Variants in DPF3 observed in about 807,000 individuals in gnomAD.
DPF3 encodes the protein zinc finger protein DPF3.
A neutral mutation model predicts 56.8 loss-of-function variants in DPF3; 18 were observed. The observed-to-expected ratio is 0.32, with a 90% confidence interval of 0.22 to 0.47. DPF3 has a LOEUF of 0.47. Ranked by LOEUF, DPF3 falls within the 20% of genes least tolerant of loss-of-function variation. The pLI is 1.00. For missense variants in DPF3, 403 were observed against 488.8 expected, an observed-to-expected ratio of 0.82 and a Z score of 1.65; for synonymous variants, 188 against 180.2, an observed-to-expected ratio of 1.04 and a Z score of -0.35.
chr14:72,741,914 G>A (rs930926899), intron 3 of DPF3, among the ~76,000 whole-genome samples: 1 of 152,236 alleles, frequency 6.6e-6, no homozygotes, highest in East Asian at 1.9e-4. Flanking sequence ...CCGTGCCACT[G>A]TCCTGCCCAC....
chr14:72,655,998 T>C (rs1439540904), intron 8 of DPF3, among the ~76,000 whole-genome samples: 3 of 152,216 alleles, frequency 2.0e-5, no homozygotes, highest in African/African-American at 7.2e-5. Flanking sequence ...TGCTTGTCTA[T>C]TTGTTTTAGG....
chr14:72,729,600 G>T (rs1460272211), intron 4 of DPF3, among the ~76,000 whole-genome samples: 2 of 152,152 alleles, frequency 1.3e-5, no homozygotes, highest in East Asian at 3.8e-4. Context: ...GCATTAAAAA[G>T]AAATGAGCTA....
At chr14:72,890,311 G>A (rs1886699420) in intron 1 of DPF3, among the ~76,000 whole-genome samples, 1 of 152,030 alleles carries the variant, frequency 6.6e-6, no homozygotes, top group South Asian at 2.1e-4. Flanking sequence ...CCAAGATGGA[G>A]AAACCCCGTC....
At chr14:72,833,839 A>T (rs1884167439) in intron 1 of DPF3, among the ~76,000 whole-genome samples, 1 of 152,248 alleles carries the variant, frequency 6.6e-6, no homozygotes, top group Non-Finnish European at 1.5e-5. Context: ...GCCAATAGAC[A>T]CATGAAAACA....
chr14:72,645,067 G>A lies in DPF3; in HGVS notation c.872-15331C>T, dbSNP rs111575637. On this transcript the variant is annotated intron_variant, in intron 8 of 10. Transcript: ENST00000556509. ...AACCAACTTGCCATCCCTGAGCTAGGCACTATTAAGCTGAATAGGTTAAAA... is the reference window on the plus strand; with the variant it reads ...AACCAACTTGCCATCCCTGAGCTAGACACTATTAAGCTGAATAGGTTAAAA... 9.1e-3 allele frequency among the ~76,000 whole-genome samples: 1,382 copies of A among 152,226 alleles called. 24 individuals are homozygous for A. Among genetic ancestry groups the A allele is most frequent in the African/African-American group, 0.032 (1,321 of 41,524 alleles).
At chr14:72,727,078 G>C (rs1256852291) in intron 4 of DPF3, among the ~76,000 whole-genome samples, 1 of 152,164 alleles carries the variant, frequency 6.6e-6, no homozygotes, top group Non-Finnish European at 1.5e-5. Context: ...GTGGGAACTA[G>C]GTGGTCTGGT....
At chr14:72,875,724 T>C (rs535945294) in intron 1 of DPF3, among the ~76,000 whole-genome samples, 2 of 152,228 alleles carry the variant, frequency 1.3e-5, no homozygotes, top group African/African-American at 4.8e-5. Flanking sequence ...TAAGGACTTG[T>C]GTAACCCCCA....
At chr14:72,671,564 T>A in intron 8 of DPF3, 1 of 722,550 alleles carries the variant, frequency 1.4e-6, no homozygotes, top group Middle Eastern at 2.4e-4. Context: ...ATCTCTACCA[T>A]AGTACATATG....
At chr14:72,792,098 C>G (rs1281717417) in intron 1 of DPF3, among the ~76,000 whole-genome samples, 2 of 152,178 alleles carry the variant, frequency 1.3e-5, no homozygotes, top group African/African-American at 4.8e-5. Flanking sequence ...CACCCCCGCC[C>G]CCAACCCCGA....
Position 72,836,533 on chromosome 14 carries a change from G to T in DPF3, c.32+57524C>A, listed in dbSNP as rs997160162. The T allele has an allele frequency of 5.1e-6, 5 of 984,210 alleles. No individual in the cohort carries two copies. In the Admixed American group the frequency reaches 3.1e-4, roughly 61 times the overall value. 61.0% of individuals were successfully genotyped at this position (984,210 alleles called of 1,614,324 possible). On this transcript the variant is annotated intron_variant, in intron 1 of 10. Coordinates refer to ENST00000556509, the MANE Select transcript of DPF3 (RefSeq NM_001280542.3). ...ACCACCTCGTGGGGAGATTATGATTGCCCTGTGGTTGCCATGCCTACTGTG... is the reference window on the plus strand; with the variant it reads ...ACCACCTCGTGGGGAGATTATGATTTCCCTGTGGTTGCCATGCCTACTGTG...
At chr14:72,838,905 A>ATATATATATATTTTT in intron 1 of DPF3, among the ~76,000 whole-genome samples, 2 of 64,504 alleles carry the variant, frequency 3.1e-5, no homozygotes, top group Non-Finnish European at 5.5e-5. Context: ...TATCATATAT[A>ATATATATATATTTTT]TTCTTTTTTT....
At chr14:72,766,125 T>C (rs1891277668) in intron 2 of DPF3, among the ~76,000 whole-genome samples, 3 of 152,224 alleles carry the variant, frequency 2.0e-5, no homozygotes, top group Admixed American at 2.0e-4. Context: ...TCAAAACTTA[T>C]CAAGCTGGAC....
chr14:72,654,761 T>A (rs1412490391), intron 8 of DPF3, among the ~76,000 whole-genome samples: 4 of 152,184 alleles, frequency 2.6e-5, no homozygotes, highest in African/African-American at 9.7e-5. Context: ...TTCCCCTTTG[T>A]TTCTTTTATG....
intron 1 of DPF3, among the ~76,000 whole-genome samples, chr14:72,802,475 T>G (rs1892930725): frequency 6.6e-6 from 1 of 152,130 alleles, no homozygotes; most frequent in Non-Finnish European, 1.5e-5. Context: ...TGCATGCTCT[T>G]GAGAGTCACA....
At chr14:72,626,479 G>A (rs995177673) in intron 9 of DPF3, among the ~76,000 whole-genome samples, 2 of 151,916 alleles carry the variant, frequency 1.3e-5, no homozygotes, top group Non-Finnish European at 2.9e-5. Flanking sequence ...ATATATTCTG[G>A]AAATCACTCC....
At chr14:72,855,251 C>T (rs916529382) in intron 1 of DPF3, among the ~76,000 whole-genome samples, 2 of 152,162 alleles carry the variant, frequency 1.3e-5, no homozygotes, top group African/African-American at 2.4e-5. Context: ...GAAATGAAAC[C>T]TCCAATGGTT....
chr14:72,791,857 C>T (rs1406194445), intron 1 of DPF3, among the ~76,000 whole-genome samples: 2 of 152,210 alleles, frequency 1.3e-5, no homozygotes, highest in African/African-American at 2.4e-5. Flanking sequence ...CATGCTGCCT[C>T]ATGACCGATC....
At chr14:72,812,902 A>T (rs1883120998) in intron 1 of DPF3, among the ~76,000 whole-genome samples, 1 of 152,092 alleles carries the variant, frequency 6.6e-6, no homozygotes, top group South Asian at 2.1e-4. Flanking sequence ...GGATACAGGC[A>T]CTGGCGAAGA....
chr14:72,808,407 G>T (rs34376466), intron 1 of DPF3, among the ~76,000 whole-genome samples: 5 of 152,154 alleles, frequency 3.3e-5, no homozygotes, highest in Non-Finnish European at 7.3e-5. Context: ...AACTCAAATA[G>T]TAAGAGTCAC....
Sources: allele counts gnomAD v4.1 joint callset (sites outside exome capture counted in the v4.1 genomes callset), GRCh38; gene constraint gnomAD v4.1.1; transcripts MANE v1.5; gene names NCBI Gene and HGNC (gene_info 2026-07-23, HGNC 2026-07-21).